The following FHIT variants were observed in gnomAD, a reference collection of about 807,000 sequenced individuals.
The protein encoded by FHIT is fragile histidine triad diadenosine triphosphatase, also known as bis(5'-adenosyl)-triphosphatase.
A neutral mutation model predicts 17.9 loss-of-function variants in FHIT; 19 were observed. That is an observed-to-expected ratio of 1.06 (90% CI 0.74 to 1.56). The LOEUF (loss-of-function observed/expected upper bound fraction) is 1.56, where lower values mean the gene tolerates loss of function less well. Ranked by LOEUF, FHIT falls within the 40% of genes most tolerant of loss-of-function variation. The pLI is 0.00. For synonymous variants in FHIT, 81 were observed against 69.7 expected (o/e 1.16, Z -0.81); for missense variants, 248 against 189.2 (o/e 1.31, Z -1.82).
At chr3:60,163,860 T>C (rs1701043470) in intron 5 of FHIT, among the ~76,000 whole-genome samples, 1 of 152,138 alleles carries the variant, frequency 6.6e-6, no homozygotes, top group African/African-American at 2.4e-5. Flanking sequence ...GAAACACTGA[T>C]CTATTGCTCT....
At chr3:60,806,928 T>A (rs1182467019) in intron 4 of FHIT, among the ~76,000 whole-genome samples, 3 of 152,222 alleles carry the variant, frequency 2.0e-5, no homozygotes, top group African/African-American at 7.2e-5. Context: ...CCTTCATTTT[T>A]AATTTAAAGC....
chr3:60,571,591 T>C (rs932678122), intron 4 of FHIT, among the ~76,000 whole-genome samples: 7 of 151,954 alleles, frequency 4.6e-5, no homozygotes, highest in Non-Finnish European at 8.8e-5. Context: ...ATGTTCAAGA[T>C]GAAGAACAAA....
chr3:61,001,440 C>T (rs1309884819), intron 3 of FHIT, among the ~76,000 whole-genome samples: 1 of 152,136 alleles, frequency 6.6e-6, no homozygotes, highest in African/African-American at 2.4e-5. Flanking sequence ...GTCAAACAAA[C>T]TGTGATATAA....
At chr3:60,493,755 C>A (rs563586603) in intron 5 of FHIT, among the ~76,000 whole-genome samples, 1 of 152,020 alleles carries the variant, frequency 6.6e-6, no homozygotes, top group Non-Finnish European at 1.5e-5. Context: ...ACGAGAGATA[C>A]GACTGTGTCT....
At chr3:60,653,297 T>C (rs1403502240) in intron 4 of FHIT, among the ~76,000 whole-genome samples, 2 of 152,156 alleles carry the variant, frequency 1.3e-5, no homozygotes, top group African/African-American at 4.8e-5. Flanking sequence ...CAGGGTTCTA[T>C]TGAAAAGGAA....
intron 3 of FHIT, among the ~76,000 whole-genome samples, chr3:60,847,978 T>A (rs2106897409): frequency 6.6e-6 from 1 of 152,252 alleles, no homozygotes; most frequent in Non-Finnish European, 1.5e-5. Flanking sequence ...ACTCAGTCAC[T>A]TCCTTTTCCT....
chr3:61,203,722 G>A (rs951042760), intron 1 of FHIT, among the ~76,000 whole-genome samples: 1 of 152,158 alleles, frequency 6.6e-6, no homozygotes, highest in African/African-American at 2.4e-5. Context: ...ACAATCATAT[G>A]GAATAAAGAA....
intron 3 of FHIT, among the ~76,000 whole-genome samples, chr3:60,840,498 A>G (rs1302650860): frequency 1.1e-4 from 16 of 152,236 alleles, no homozygotes; most frequent in African/African-American, 3.4e-4. Context: ...CTTGTGAGAA[A>G]GATCCCTACT....
At chr3:61,070,045 G>C (rs574624117) in intron 2 of FHIT, among the ~76,000 whole-genome samples, 1 of 152,076 alleles carries the variant, frequency 6.6e-6, no homozygotes, top group Non-Finnish European at 1.5e-5. Context: ...TGAGTAGCAC[G>C]CCTGGCTGGC....
At chr3:60,607,377 A>C (rs1553671598) in intron 4 of FHIT, among the ~76,000 whole-genome samples, 1 of 151,820 alleles carries the variant, frequency 6.6e-6, no homozygotes, top group African/African-American at 2.4e-5. Flanking sequence ...TTTCATGTTT[A>C]TTACTTGCAA....
chr3:60,797,426 T>C (rs974979094), intron 4 of FHIT, among the ~76,000 whole-genome samples: 4 of 151,054 alleles, frequency 2.6e-5, no homozygotes, highest in African/African-American at 9.8e-5. Context: ...TAATTCATGA[T>C]TAAGACAGAT....
chr3:59,792,769 A>G (rs1047123776), intron 8 of FHIT, among the ~76,000 whole-genome samples: 3 of 151,978 alleles, frequency 2.0e-5, no homozygotes, highest in African/African-American at 4.8e-5. Context: ...GTAGGAATGA[A>G]CATCTCAAAC....
chr3:60,889,477 A>G (rs564237222), intron 3 of FHIT, among the ~76,000 whole-genome samples: 2 of 152,354 alleles, frequency 1.3e-5, no homozygotes, highest in South Asian at 4.1e-4. Context: ...TCATTTATAT[A>G]AAGATCAATT....
At chr3:60,124,009 TAGAGAGAG>T (rs1168094593) in intron 5 of FHIT, among the ~76,000 whole-genome samples, 34 of 12,144 alleles carry the variant, frequency 2.8e-3, no homozygotes, top group South Asian at 8.9e-3. Flanking sequence ...TATATATATA[TAGAGAGAG>T]AGAGAGAGAG....
At chr3:60,426,827 G>GCAATTTAAT (rs890042600) in intron 5 of FHIT, among the ~76,000 whole-genome samples, 34 of 152,204 alleles carry the variant, frequency 2.2e-4, no homozygotes, top group African/African-American at 7.9e-4. Flanking sequence ...TTACTAGACA[G>GCAATTTAAT]TGCTCTCTAC....
intron 5 of FHIT, among the ~76,000 whole-genome samples, chr3:60,462,245 T>A (rs2032518562): frequency 6.6e-6 from 1 of 152,184 alleles, no homozygotes. Context: ...TAATATCAAC[T>A]CATTTACTCT....
At chr3:60,115,419 C>T (rs188707569) in intron 5 of FHIT, among the ~76,000 whole-genome samples, 11 of 152,230 alleles carry the variant, frequency 7.2e-5, no homozygotes, top group African/African-American at 2.6e-4. Flanking sequence ...CTCAACTTCA[C>T]TATATTCAAT....
Position 60,251,288 on chromosome 3 carries a change from G to A in FHIT, c.104-237136C>T, listed in dbSNP as rs866869046. Among the ~76,000 whole-genome samples, 13 of 152,146 alleles carry A rather than the reference G, an allele frequency of 8.5e-5. 1 individual carries two copies. Among genetic ancestry groups the A allele is most frequent in the African/African-American group, 2.4e-4 (10 of 41,430 alleles). On this transcript the variant is annotated intron_variant, in intron 5 of 9. Coordinates refer to ENST00000492590, the MANE Select transcript of FHIT (RefSeq NM_002012.4). ...TGTAACAGATCATGTTGATTTTATG[G>A]AATGCCTTGGCTCTCTCTGGGGAGG...
chr3:60,325,705 G>A (rs1478576958), intron 5 of FHIT, among the ~76,000 whole-genome samples: 3 of 152,136 alleles, frequency 2.0e-5, no homozygotes, highest in Non-Finnish European at 4.4e-5. Context: ...GGCAAAAGAG[G>A]ATTTACAATA....
Sources: allele counts gnomAD v4.1 joint callset (sites outside exome capture counted in the v4.1 genomes callset), GRCh38; gene constraint gnomAD v4.1.1; transcripts MANE v1.5; gene names NCBI Gene and HGNC (gene_info 2026-07-23, HGNC 2026-07-21).